ZP1: variants seen among roughly 807,000 people sequenced by gnomAD.
ZP1 encodes zona pellucida sperm-binding protein 1.
In ZP1, 58 loss-of-function variants were observed where a neutral mutation model predicts 67.4. That is an observed-to-expected ratio of 0.86 (90% CI 0.70 to 1.07). ZP1 has a LOEUF of 1.07. ZP1 is among the 50% of genes least tolerant of loss of function. ZP1 has a pLI of 0.00. For missense variants in ZP1, 759 were observed against 807.3 expected (o/e 0.94, Z 0.72); for synonymous variants, 333 against 332.7 (o/e 1.00, Z -0.01).
Position 60,868,102 on chromosome 11 carries a change from A to T in ZP1, c.196+345A>T, listed in dbSNP as rs552088730. Among the ~76,000 whole-genome samples, 24 of 148,374 alleles carry T rather than the reference A, an allele frequency of 1.6e-4. 1 individual carries two copies. Among genetic ancestry groups the T allele is most frequent in the Middle Eastern group, 3.5e-3 (1 of 286 alleles). ...CAATCTGTTCTCCAGGCTTGAGTGC[A>T]GTTGGCACGATCTCAGCTCACTGCA... On this transcript the variant is annotated intron_variant, in intron 1 of 11. Transcript: ENST00000278853.
intron 9 of ZP1, 97 bp from the exon 10 acceptor site, chr11:60,874,836 A>C (rs1855669143): frequency 8.4e-7 from 1 of 1,184,246 alleles, no homozygotes; most frequent in Non-Finnish European, 1.3e-6. Context: ...GCAGCAGCCT[A>C]GACTTGGCCC....
rs1286804430 is a variant in ZP1 at position 60,870,467 on chromosome 11, G to C, written c.818G>C (p.Gly273Ala). 1 of 1,607,856 alleles carries C rather than the reference G, an allele frequency of 6.2e-7. No individual in the cohort carries two copies. The highest frequency in any genetic ancestry group is 8.5e-7 in the Non-Finnish European group (1 of 1,177,474). Residue 273 changes from glycine (G) to alanine (A), a missense_variant, in exon 4 of 12, where the codon GGC (glycine) becomes GCC (alanine). Coordinates refer to ENST00000278853, the MANE Select transcript of ZP1 (RefSeq NM_207341.4). ...ACCAGAGAGGTTCCCTGTTACTATGGCAACACAGGTACAACCTCCCACCCC... is the reference window on the plus strand; with the variant it reads ...ACCAGAGAGGTTCCCTGTTACTATGCCAACACAGGTACAACCTCCCACCCC... ...DNTREVPCYY[G>A]NTATVQCFRD...
chr11:60,868,413 A>G (rs1167204409), intron 1 of ZP1, among the ~76,000 whole-genome samples: 1 of 152,228 alleles, frequency 6.6e-6, no homozygotes, highest in Non-Finnish European at 1.5e-5. Flanking sequence ...CACTTCCAGC[A>G]GCAGGACCTA....
chr11:60,875,052 C>T (rs761849193), intron 10 of ZP1, 38 bp downstream of exon 10: 4 of 1,613,956 alleles, frequency 2.5e-6, no homozygotes, highest in Non-Finnish European at 2.5e-6. Flanking sequence ...TTCCTTTATA[C>T]ATCTTCAGGC....
Position 60,873,640 on chromosome 11 carries a change from T to C in ZP1, c.1437T>C (p.Pro479=). 6.2e-7 allele frequency: 1 copy of C among 1,614,166 alleles called. No homozygotes were observed. The highest frequency in any genetic ancestry group is 8.5e-7 in the Non-Finnish European group (1 of 1,180,028). ...CTCTGACTTCTCTTCTCAGATGCCC[T>C]TTCAAGGGCGACAGCTACAGAACCC... The part of the protein sequence containing the change: ...PQWPILSDGC[P]FKGDSYRTQM... The change falls in exon 9 of 12, where the codon CCT becomes CCC. Residue 479 remains proline, a synonymous_variant. Coordinates refer to ENST00000278853, the MANE Select transcript of ZP1 (RefSeq NM_207341.4).
chr11:60,867,709 C>T lies in ZP1; in HGVS notation c.148C>T (p.Leu50=). 1.2e-6 allele frequency: 2 copies of T among 1,614,080 alleles called. No individual in the cohort carries two copies. Among genetic ancestry groups the T allele is most frequent in the Non-Finnish European group, 1.7e-6 (2 of 1,179,978 alleles). ...SYDCGIKGMQ[L]LVFPRPGQTL... is the part of the protein sequence containing the mutation. ...CGACTGTGGGATCAAGGGAATGCAG[C>T]TGCTGGTGTTCCCCAGGCCAGGCCA... The change falls in exon 1 of 12, where the codon CTG becomes TTG. Residue 50 remains leucine, a synonymous_variant. Coordinates refer to ENST00000278853, the MANE Select transcript of ZP1 (RefSeq NM_207341.4).
At chr11:60,870,738 T>A in intron 4 of ZP1, 1 of 675,244 alleles carries the variant, frequency 1.5e-6, no homozygotes, top group Non-Finnish European at 2.5e-6. Flanking sequence ...GGATGACAGA[T>A]TATATGGTGA....
At position 60,871,278 on chromosome 11, in the gene ZP1, G is replaced by A; in HGVS notation, c.1076G>A (p.Gly359Glu). ...GTGTCTGGCATCCACATCCAAAAGG[G>A]GCCACAGGGTTCCATCACGCGGGAC... ...WLVSGIHIQK[G>E]PQGSITRDST... Residue 359 changes from glycine (G) to glutamate (E), a missense_variant, in exon 6 of 12, where the codon GGG becomes GAG. Transcript: ENST00000278853. The A allele has an allele frequency of 1.9e-6, 3 of 1,613,976 alleles. No individual in the cohort carries two copies. The highest frequency in any genetic ancestry group is 2.2e-5 in the East Asian group (1 of 44,882).
intron 6 of ZP1, 78 bp from the exon 7 acceptor site, chr11:60,873,084 T>C: frequency 6.8e-7 from 1 of 1,478,112 alleles, no homozygotes; most frequent in Non-Finnish European, 9.1e-7. Context: ...ACCCACGGAG[T>C]TGGTGCCTAG....
chr11:60,871,717 G>C (rs184480720), intron 6 of ZP1, among the ~76,000 whole-genome samples: 1 of 152,212 alleles, frequency 6.6e-6, no homozygotes, highest in African/African-American at 2.4e-5. Flanking sequence ...GTCAGGTTAA[G>C]AAGCCACAGA....
chr11:60,867,636 T>A lies in ZP1; in HGVS notation c.75T>A (p.Gly25=), dbSNP rs750833069. The part of the protein sequence containing the change: ...LLLLVATLGL[G]RWLQPDPGLP... ...TGCTGGTTGCCACCCTGGGGCTGGGTAGGTGGCTCCAGCCCGACCCTGGCC... is the reference window on the plus strand; with the variant it reads ...TGCTGGTTGCCACCCTGGGGCTGGGAAGGTGGCTCCAGCCCGACCCTGGCC... Residue 25 remains glycine, a synonymous_variant, in exon 1 of 12, where the codon GGT becomes GGA. Transcript: ENST00000278853. The A allele has an allele frequency of 6.2e-7, 1 of 1,613,830 alleles. No homozygotes were observed. Among genetic ancestry groups the A allele is most frequent in the Non-Finnish European group, 8.5e-7 (1 of 1,179,890 alleles).
rs1332277911 is a variant in ZP1, at chr11:60,873,513, C to CT, written c.1380dup (p.Pro461SerfsTer87). Reference sequence around the variant, plus strand: ...CTGCTGCTGCACCAGTGCTGGGGCGCTCCCAGTGCCAACCCCTTCCAGCAG... The same window carrying CT: ...CTGCTGCTGCACCAGTGCTGGGGCGCTTCCCAGTGCCAACCCCTTCCAGCAG... On this transcript the variant is annotated frameshift_variant, in exon 8 of 12. Transcript: ENST00000278853. LOFTEE classifies it high-confidence loss of function. The CT allele has an allele frequency of 1.2e-6, 2 of 1,613,238 alleles. No homozygotes were observed. The highest frequency in any genetic ancestry group is 1.7e-5 in the Admixed American group (1 of 60,016).
chr11:60,873,021 G>C (rs996027570), intron 6 of ZP1, 141 bp from the exon 7 acceptor site: 6 of 938,968 alleles, frequency 6.4e-6, no homozygotes, highest in Non-Finnish European at 9.4e-6. Flanking sequence ...GAAATGCTGA[G>C]TATTGCTTAA....
chr11:60,871,947 C>T (rs746180812), intron 6 of ZP1, among the ~76,000 whole-genome samples: 4 of 152,188 alleles, frequency 2.6e-5, no homozygotes, highest in Non-Finnish European at 2.9e-5. Context: ...CCCTGTGGGA[C>T]GGAGCCAATG....
At chr11:60,875,478 C>A (rs1251108362) in intron 11 of ZP1, 36 bp from the exon 12 acceptor site, 7 of 1,610,336 alleles carry the variant, frequency 4.3e-6, no homozygotes, top group Non-Finnish European at 5.9e-6. Context: ...GTTGGAGGGG[C>A]CTCACCCAGC....
intron 6 of ZP1, 164 bp from the exon 7 acceptor site, chr11:60,872,998 T>G: frequency 3.8e-6 from 3 of 787,184 alleles, no homozygotes; most frequent in African/African-American, 1.7e-5. Context: ...GTGAGCTTCC[T>G]GAGCCTGCCT....
chr11:60,874,436 T>C (rs1309956285), intron 9 of ZP1, among the ~76,000 whole-genome samples: 2 of 152,082 alleles, frequency 1.3e-5, no homozygotes, highest in African/African-American at 4.8e-5. Context: ...CTGGAAGCGG[T>C]GGTAATCTGC....
rs768419997 is a variant in ZP1 at position 60,875,521 on chromosome 11, T to A, written c.1782T>A (p.Asn594Lys). The A allele has an allele frequency of 6.2e-7, 1 of 1,613,932 alleles. No individual in the cohort carries two copies. Among genetic ancestry groups the A allele is most frequent in the Non-Finnish European group, 8.5e-7 (1 of 1,179,892 alleles). The change falls in exon 12 of 12, where the codon AAT (asparagine) becomes AAA (lysine). Residue 594 changes from asparagine (N) to lysine (K), a missense_variant. Physicochemically the swap from Asn to Lys is moderately conservative, Grantham distance 94 (BLOSUM62 0). Transcript: ENST00000278853. Reference sequence around the variant, plus strand: ...ATCCCGTCTCTCTGACAGACTCCAATGGGAACTCCAGCCTGAGACCTCTCC... The same window carrying A: ...ATCCCGTCTCTCTGACAGACTCCAAAGGGAACTCCAGCCTGAGACCTCTCC... The part of the protein sequence containing the change: ...QEPTLGPTDS[N>K]GNSSLRPLLW...
chr11:60,867,827 C>A (rs1855499474), intron 1 of ZP1, 70 bp downstream of exon 1: 29 of 1,538,294 alleles, frequency 1.9e-5, no homozygotes, highest in Middle Eastern at 2.0e-4. Flanking sequence ...AGCTGGGACC[C>A]TTCCCCTGAA....
Sources: gnomAD v4.1 joint callset for allele counts (sites outside exome capture counted in the v4.1 genomes callset) on GRCh38, gnomAD v4.1.1 for gene constraint, MANE v1.5 for transcripts, NCBI Gene and HGNC (gene_info 2026-07-23, HGNC 2026-07-21) for gene names.